The following ASIC2 variants were observed in gnomAD, a reference collection of about 807,000 sequenced individuals.
ASIC2 encodes the protein acid sensing ion channel subunit 2, also known as acid-sensing ion channel 2.
Under a neutral mutation model 57.3 loss-of-function variants are expected in ASIC2, and 25 were observed. The observed-to-expected ratio is 0.44, with a 90% CI of 0.32 to 0.61. The LOEUF (loss-of-function observed/expected upper bound fraction) is 0.61. ASIC2 is among the 20% of genes least tolerant of loss of function. The pLI is 0.06. For synonymous variants in ASIC2, 319 were observed against 307.5 expected (o/e 1.04, Z -0.39); for missense variants, 641 against 738.1 (o/e 0.87, Z 1.52).
At chr17:33,250,301 C>T (rs1908834870) in intron 1 of ASIC2, among the ~76,000 whole-genome samples, 1 of 152,150 alleles carries the variant, frequency 6.6e-6, no homozygotes, top group African/African-American at 2.4e-5. Context: ...TTTCGAGGAG[C>T]TGGGGTGTGG....
rs528124551 is a variant in ASIC2 at position 33,250,365 on chromosome 17, G to A, written c.708+41043C>T. ...AGCCGGGAGCCTGCTCCTAGTGTGG[G>A]GCCATAGCCCAGCCCAGCACTTCGC... On this transcript the variant is annotated intron_variant, in intron 1 of 9. Coordinates refer to ENST00000225823, the MANE Select transcript of ASIC2 (RefSeq NM_183377.2). Among the ~76,000 whole-genome samples the A allele has an allele frequency of 3.9e-5, 6 of 152,298 alleles. No homozygotes were observed. In the East Asian group the frequency reaches 1.2e-3, roughly 29 times the overall value.
At chr17:34,063,579 G>C (rs761533214) in intron 1 of ASIC2, among the ~76,000 whole-genome samples, 1 of 152,096 alleles carries the variant, frequency 6.6e-6, no homozygotes, top group Non-Finnish European at 1.5e-5. Context: ...AAGTCAAACT[G>C]TCACTATTTG....
intron 1 of ASIC2, among the ~76,000 whole-genome samples, chr17:33,902,173 G>A (rs1000713411): frequency 1.2e-4 from 19 of 152,116 alleles, no homozygotes; most frequent in Admixed American, 5.2e-4. Context: ...CCTGCAGCAG[G>A]AGATGTGACT....
intron 1 of ASIC2, among the ~76,000 whole-genome samples, chr17:33,762,565 C>T (rs557532443): frequency 3.3e-5 from 5 of 152,292 alleles, no homozygotes; most frequent in East Asian, 1.9e-4. Context: ...CCCAGGTCTA[C>T]TCTTTAGAGA....
intron 1 of ASIC2, among the ~76,000 whole-genome samples, chr17:34,032,945 G>A (rs1270094634): frequency 6.6e-6 from 1 of 152,158 alleles, no homozygotes; most frequent in East Asian, 1.9e-4. Flanking sequence ...GTCAACATTA[G>A]ACAGATAAAC....
At chr17:33,128,174 C>T (rs751687937) in intron 1 of ASIC2, among the ~76,000 whole-genome samples, 3 of 152,340 alleles carry the variant, frequency 2.0e-5, no homozygotes, top group Admixed American at 6.5e-5. Flanking sequence ...GACATGCCCT[C>T]CTGGGGCTTT....
At chr17:34,130,693 T>C (rs562169707) in intron 1 of ASIC2, among the ~76,000 whole-genome samples, 1 of 152,236 alleles carries the variant, frequency 6.6e-6, no homozygotes, top group East Asian at 1.9e-4. Context: ...AGGATGCGTT[T>C]TCCCATCTGG....
At chr17:33,660,449 T>C (rs1426172961) in intron 1 of ASIC2, among the ~76,000 whole-genome samples, 1 of 152,168 alleles carries the variant, frequency 6.6e-6, no homozygotes, top group Non-Finnish European at 1.5e-5. Context: ...TAAGCTTTTT[T>C]CTGTTTTTAA....
chr17:33,201,338 G>A (rs948884246), intron 1 of ASIC2, among the ~76,000 whole-genome samples: 25 of 152,110 alleles, frequency 1.6e-4, no homozygotes, highest in African/African-American at 2.7e-4. Flanking sequence ...AGCCAACTCC[G>A]GCAGCCCTCC....
rs556712881 is a variant in ASIC2 at position 33,675,906 on chromosome 17, T to G, written c.555+480072A>C. 3.0e-4 allele frequency among the ~76,000 whole-genome samples: 45 copies of G among 152,350 alleles called. 1 individual carries two copies. The South Asian group carries it at 8.9e-3, about 30-fold the overall frequency. On this transcript the variant is annotated intron_variant, in intron 1 of 9. Coordinates refer to the ASIC2 transcript ENST00000359872. ...TTTATTGCACTTTGCTTTACTGTAC[T>G]TTGCAGATAATGCATTTTTTACAAA...
chr17:33,946,022 C>T (rs1904362802), intron 1 of ASIC2, among the ~76,000 whole-genome samples: 1 of 152,184 alleles, frequency 6.6e-6, no homozygotes, highest in East Asian at 1.9e-4. Context: ...CAGACCTTAG[C>T]ATACGACATG....
At chr17:33,502,426 G>A (rs760989595) in intron 1 of ASIC2, among the ~76,000 whole-genome samples, 12 of 152,124 alleles carry the variant, frequency 7.9e-5, no homozygotes, top group Non-Finnish European at 1.3e-4. Flanking sequence ...TACACCTCTG[G>A]GGTTATACCC....
chr17:33,917,316 G>A (rs1167911434), intron 1 of ASIC2, among the ~76,000 whole-genome samples: 1 of 151,978 alleles, frequency 6.6e-6, no homozygotes, highest in Non-Finnish European at 1.5e-5. Flanking sequence ...TCTCCCCAGC[G>A]CCATCTTCCC....
chr17:33,432,973 C>T (rs1038443085), intron 1 of ASIC2, among the ~76,000 whole-genome samples: 14 of 152,202 alleles, frequency 9.2e-5, no homozygotes, highest in Admixed American at 7.2e-4. Context: ...ACTAGCTCAA[C>T]CATTGTGGAA....
At chr17:33,069,687 T>G (rs556305421) in intron 3 of ASIC2, among the ~76,000 whole-genome samples, 1 of 152,334 alleles carries the variant, frequency 6.6e-6, no homozygotes, top group Non-Finnish European at 1.5e-5. Context: ...GTAAGTATGG[T>G]ATATATGTTT....
chr17:33,785,740 C>T (rs1035142056), intron 1 of ASIC2, among the ~76,000 whole-genome samples: 3 of 152,152 alleles, frequency 2.0e-5, no homozygotes, highest in Non-Finnish European at 4.4e-5. Context: ...CAAACGGTTG[C>T]TGAAAGTCCT....
chr17:33,555,961 C>T (rs879081467), intron 1 of ASIC2, among the ~76,000 whole-genome samples: 11 of 152,284 alleles, frequency 7.2e-5, no homozygotes, highest in Non-Finnish European at 1.5e-4. Flanking sequence ...AGGTATATAA[C>T]GAAGGCTACC....
At chr17:33,847,113 G>T (rs765310901) in intron 1 of ASIC2, among the ~76,000 whole-genome samples, 4 of 151,400 alleles carry the variant, frequency 2.6e-5, no homozygotes, top group Non-Finnish European at 1.5e-5. Flanking sequence ...TAGCTCCAAC[G>T]ACCTCTTTGC....
At chr17:33,320,408 A>C (rs1209532257) in intron 1 of ASIC2, among the ~76,000 whole-genome samples, 1 of 152,158 alleles carries the variant, frequency 6.6e-6, no homozygotes, top group Non-Finnish European at 1.5e-5. Context: ...TTACGGAAGG[A>C]GTTAACAGGC....
Sources: allele counts gnomAD v4.1 joint callset (sites outside exome capture counted in the v4.1 genomes callset), GRCh38; gene constraint gnomAD v4.1.1; transcripts MANE v1.5; gene names NCBI Gene and HGNC (gene_info 2026-07-23, HGNC 2026-07-21).